TNXB: variants seen among roughly 807,000 people sequenced by gnomAD.
TNXB encodes tenascin XB.
Under a neutral mutation model 340.5 loss-of-function variants are expected in TNXB, and 183 were observed. That is an observed-to-expected ratio of 0.54 (90% confidence interval 0.48 to 0.61). The LOEUF (loss-of-function observed/expected upper bound fraction) is 0.61, where lower values mean the gene tolerates loss of function less well. Among genes scored for constraint, TNXB ranks in the 20% least tolerant of loss-of-function variants. The pLI, the probability that TNXB is intolerant of heterozygous loss-of-function variation, is 0.00. For synonymous variants in TNXB, 2,121 were observed against 2,314.5 expected (o/e 0.92, Z 2.40); for missense variants, 4,613 against 5,446.4 (o/e 0.85, Z 4.82).
At position 32,069,924 on chromosome 6, in the gene TNXB, G is replaced by A. The variant is rs533134179; in HGVS notation, c.5279-63C>T. ...TTCTGGAAGACTGGGTGACCTCGACGGGCAGGATTGAGAGGTCTGGAGACA... is the reference window on the plus strand; with the variant it reads ...TTCTGGAAGACTGGGTGACCTCGACAGGCAGGATTGAGAGGTCTGGAGACA... On this transcript the variant is annotated intron_variant, in intron 14 of 43. Transcript: ENST00000644971. The surrounding 1 kb of genome is among the most constrained non-coding windows in gnomAD (Gnocchi z 6.2). 3.4e-6 allele frequency: 5 copies of A among 1,485,416 alleles called. No individual in the cohort carries two copies. The highest frequency in any genetic ancestry group is 1.3e-5 in the South Asian group (1 of 75,112). 92.0% of individuals were successfully genotyped at this position (1,485,416 alleles called of 1,614,324 possible).
intron 4 of TNXB, chr6:32,093,429 G>A (rs929957705): frequency 2.9e-6 from 2 of 701,590 alleles, no homozygotes; most frequent in Non-Finnish European, 5.2e-6. Context: ...GGAGAGTGAG[G>A]AGAGGCAGAA....
rs1171916736 is a variant in TNXB at position 32,074,450 on chromosome 6, G to A, written c.4376-498C>T. On this transcript the variant is annotated intron_variant, in intron 11 of 43. Transcript: ENST00000644971. The surrounding 1 kb of genome is among the most constrained non-coding windows in gnomAD (Gnocchi z 5.5). ...GTGTCTGAGGCTGCATTTGTTGGGGGAGAAGAGTATCAACCATCACTGACA... is the reference window on the plus strand; with the variant it reads ...GTGTCTGAGGCTGCATTTGTTGGGGAAGAAGAGTATCAACCATCACTGACA... Among the ~76,000 whole-genome samples the A allele has an allele frequency of 2.0e-5, 3 of 152,176 alleles. No individual in the cohort carries two copies. The highest frequency in any genetic ancestry group is 4.4e-5 in the Non-Finnish European group (3 of 68,036).
At position 32,067,909 on chromosome 6, in the gene TNXB, C is replaced by T. The variant is rs1192421600; in HGVS notation, c.6296G>A (p.Gly2099Glu). ...APEPAEEPLL[G>E]ELTVTGSSPD... The stretch of plus-strand genomic sequence containing the variant: ...GGAGGATCCTGTCACTGTTAGCTCC[C>T]CCAGGAGCGGCTCCTCAGCGGGCTC... Residue 2099 changes from glycine to glutamate, a missense_variant, in exon 18 of 44, where the codon GGG becomes GAG. Coordinates refer to ENST00000644971, the MANE Select transcript of TNXB (RefSeq NM_001365276.2). The surrounding 1 kb of genome is among the most constrained non-coding windows in gnomAD (Gnocchi z 4.2). The T allele has an allele frequency of 8.7e-6, 14 of 1,612,500 alleles. No homozygotes were observed. Among genetic ancestry groups the T allele is most frequent in the African/African-American group, 1.3e-5 (1 of 74,878 alleles).
In TNXB at chr6:32,067,848, C is replaced by T; in HGVS notation, c.6357G>A (p.Gln2119=). The change falls in exon 18 of 44, where the codon CAG becomes CAA. Residue 2119 remains glutamine (Q), a synonymous_variant. Coordinates refer to ENST00000644971, the MANE Select transcript of TNXB (RefSeq NM_001365276.2). The surrounding 1 kb of genome is among the most constrained non-coding windows in gnomAD (Gnocchi z 4.2). ...GCACGGTGAAGGAGTCGAAGCGGCCCTGGGGGACGGTCCAGGAGAGGCTCA... is the reference window on the plus strand; with the variant it reads ...GCACGGTGAAGGAGTCGAAGCGGCCTTGGGGGACGGTCCAGGAGAGGCTCA... ...DSLSLSWTVP[Q]GRFDSFTVQY... The T allele has an allele frequency of 1.2e-6, 2 of 1,613,076 alleles. No individual in the cohort carries two copies. The highest frequency in any genetic ancestry group is 1.7e-6 in the Non-Finnish European group (2 of 1,179,890).
Position 32,070,881 on chromosome 6 carries a change from A to G in TNXB, c.4991-467T>C, listed in dbSNP as rs1778733755. On this transcript the variant is annotated intron_variant, in intron 13 of 43. Transcript: ENST00000644971. This position sits in a 1 kb window ranked among gnomAD's most constrained non-coding sequence, Gnocchi z 6.0. ...TCAGGGAGGCAGGATGTTACGACAC[A>G]GGTAGTTCTCACCCTTCTCCGTTCC... Among the ~76,000 whole-genome samples, 1 of 152,200 alleles carries G rather than the reference A, an allele frequency of 6.6e-6. No individual in the cohort carries two copies. Among genetic ancestry groups the G allele is most frequent in the South Asian group, 2.1e-4 (1 of 4,834 alleles).
rs754832999 is a variant in TNXB, at chr6:32,052,722, G to A, written c.9063C>T (p.Tyr3021=). 11 of 1,613,608 alleles carry A rather than the reference G, an allele frequency of 6.8e-6. No individual in the cohort carries two copies. The highest frequency in any genetic ancestry group is 6.7e-5 in the East Asian group (3 of 44,884). The change falls in exon 26 of 44, where the codon TAC becomes TAT. Residue 3021 remains tyrosine (Y), a synonymous_variant. Transcript: ENST00000644971. The surrounding 1 kb of genome is among the most constrained non-coding windows in gnomAD (Gnocchi z 4.7). ...CCACGCGCTGCCCCTCGTGGAGGCCGTACAGGTGCATCTTGTATTTGCACC... is the reference window on the plus strand; with the variant it reads ...CCACGCGCTGCCCCTCGTGGAGGCCATACAGGTGCATCTTGTATTTGCACC... ...EPGCKYKMHL[Y]GLHEGQRVGP...
intron 6 of TNXB, among the ~76,000 whole-genome samples, chr6:32,086,930 A>G (rs1427283014): frequency 6.6e-6 from 1 of 152,096 alleles, no homozygotes; most frequent in African/African-American, 2.4e-5. Flanking sequence ...GCTCCAGTGA[A>G]TCTTTGCAGG....
At chr6:32,059,976 C>T (rs1777910294) in intron 21 of TNXB, among the ~76,000 whole-genome samples, 1 of 151,966 alleles carries the variant, frequency 6.6e-6, no homozygotes, top group African/African-American at 2.4e-5. Flanking sequence ...TTCAATTAAC[C>T]TCATGATCTC....
rs770560637 is a variant in TNXB, at chr6:32,043,563, G to T, written c.11531-7C>A. On this transcript the variant is annotated splice_region_variant and splice_polypyrimidine_tract_variant and intron_variant, in intron 35 of 43. Transcript: ENST00000644971. Reference sequence around the variant, plus strand: ...TGTGTGGGACCGTCAGGAACTGGGGGAAGGGGAGGGGCTCAGAAGGGTCCC... The same window carrying T: ...TGTGTGGGACCGTCAGGAACTGGGGTAAGGGGAGGGGCTCAGAAGGGTCCC... The T allele has an allele frequency of 4.7e-6, 5 of 1,057,816 alleles. No homozygotes were observed. The highest frequency in any genetic ancestry group is 3.9e-5 in the South Asian group (3 of 77,822). The allele number at this position is 1,057,816 out of a possible 1,614,324, so 65.5% of individuals were successfully genotyped here. A position where few individuals can be genotyped will look rare whatever the true frequency, so the allele number is the denominator to read the frequency against.
rs369797837 is a variant in TNXB, at chr6:32,047,863, C to A, written c.10195G>T (p.Val3399Leu). 27 of 1,612,158 alleles carry A rather than the reference C, an allele frequency of 1.7e-5. No homozygotes were observed. Among genetic ancestry groups the A allele is most frequent in the Non-Finnish European group, 2.2e-5 (26 of 1,179,596 alleles). ...YKDKDGRLQV[V>L]PVAANQREVT... ...TCCCGCTGGTTGGCTGCCACCGGCA[C>A]CACCTGGAGCCGACCATCCTTATCC... Residue 3399 changes from valine (V) to leucine (L), a missense_variant, in exon 30 of 44, where the codon GTG becomes TTG. This residue lies in a region of TNXB where 4,327 missense variants were observed against 4,859.4 expected (regional missense o/e 0.89). Coordinates refer to ENST00000644971, the MANE Select transcript of TNXB (RefSeq NM_001365276.2). This position sits in a 1 kb window ranked among gnomAD's most constrained non-coding sequence, Gnocchi z 6.2.
intron 4 of TNXB, among the ~76,000 whole-genome samples, chr6:32,094,403 T>C (rs950724865): frequency 6.6e-6 from 1 of 152,204 alleles, no homozygotes; most frequent in Non-Finnish European, 1.5e-5. Flanking sequence ...ATTACTTTTA[T>C]AATTAAAAGT....
chr6:32,043,624 A>G, intron 35 of TNXB, 68 bp from the exon 36 acceptor site: 1 of 1,401,982 alleles, frequency 7.1e-7, no homozygotes, highest in Non-Finnish European at 1.0e-6. Context: ...CCCAGACTCC[A>G]CTGGCCTCCC....
chr6:32,063,142 C>T (rs992931547), intron 19 of TNXB, among the ~76,000 whole-genome samples: 1 of 152,096 alleles, frequency 6.6e-6, no homozygotes, highest in Non-Finnish European at 1.5e-5. Context: ...AATCCCAGCA[C>T]TTTGGGAGGC....
Position 32,095,629 on chromosome 6 carries a change from C to T in TNXB, c.2224G>A (p.Gly742Ser), listed in dbSNP as rs372262597. ...GSCVCKDGYAGEDCGEEVPTI... is the reference protein window; with the variant it reads ...GSCVCKDGYASEDCGEEVPTI... ...TGCTCACCTTCTCCGCAGTCTTCGC[C>T]AGCATACCCATCTTTGCAGACACAG... is the stretch of plus-strand genomic sequence containing the variant. Residue 742 changes from glycine to serine, a missense_variant, in exon 3 of 44, where the codon GGC becomes AGC. This residue lies in a region of TNXB where 4,327 missense variants were observed against 4,859.4 expected (regional missense o/e 0.89). Coordinates refer to ENST00000644971, the MANE Select transcript of TNXB (RefSeq NM_001365276.2). The T allele has an allele frequency of 4.0e-5, 64 of 1,612,892 alleles. No homozygotes were observed. The highest frequency in any genetic ancestry group is 5.3e-5 in the Non-Finnish European group (62 of 1,179,150).
rs28993462 is a variant in TNXB at position 32,095,325 on chromosome 6, CAG to C, written c.2243-136_2243-135del. ...CTCTCTGCTAGTGGAGAATAGCTGA[CAG>C]AGGGCTGAACGGGGCTTGGATCGCC... On this transcript the variant is annotated intron_variant, in intron 3 of 43. Transcript: ENST00000644971. 60,417 of 750,370 alleles carry C rather than the reference CAG, an allele frequency of 0.081. 2,970 individuals carry two copies. Among genetic ancestry groups the C allele is most frequent in the South Asian group, 0.13 (7,249 of 56,848 alleles). 46.5% of individuals were successfully genotyped at this position (750,370 alleles called of 1,614,324 possible).
At position 32,061,552 on chromosome 6, in the gene TNXB, T is replaced by C; in HGVS notation, c.7337A>G (p.Lys2446Arg). ...GRFDSFTVQY[K>R]DRDGRPQVVR... ...CACCTGGGGCCGCCCGTCCCTGTCC[T>C]TGTACTGCACGGTGAAGGAGTCGAA... The change falls in exon 21 of 44, where the codon AAG (lysine) becomes AGG (arginine). Residue 2446 changes from lysine (K) to arginine (R), a missense_variant. Lys to Arg is a conservative substitution (Grantham distance 26). Transcript: ENST00000644971. The surrounding 1 kb of genome is among the most constrained non-coding windows in gnomAD (Gnocchi z 4.4). 1 of 1,613,530 alleles carries C rather than the reference T, an allele frequency of 6.2e-7. No individual in the cohort carries two copies. The highest frequency in any genetic ancestry group is 8.5e-7 in the Non-Finnish European group (1 of 1,179,884).
chr6:32,048,460 GGCGACCGC>G lies in TNXB; in HGVS notation c.9940_9947del (p.Ala3314ArgfsTer53). On this transcript the variant is annotated frameshift_variant, in exon 29 of 44. Coordinates refer to ENST00000644971, the MANE Select transcript of TNXB (RefSeq NM_001365276.2). LOFTEE classifies it high-confidence loss of function. ...TGCGGGCCGGGTCCAGCCCCGAGAC[GGCGACCGC>G]TCGGAGGTCTCCGCTCACAGGCACT... 1 of 1,590,762 alleles carries G rather than the reference GGCGACCGC, an allele frequency of 6.3e-7. No individual in the cohort carries two copies. Among genetic ancestry groups the G allele is most frequent in the Non-Finnish European group, 8.6e-7 (1 of 1,167,500 alleles).
chr6:32,106,323 AG>A (rs928785766), intron 1 of TNXB, among the ~76,000 whole-genome samples: 7 of 151,820 alleles, frequency 4.6e-5, no homozygotes, highest in Non-Finnish European at 7.4e-5. Context: ...CCTGAGTGTG[AG>A]GGGGCCAGTC....
Position 32,096,400 on chromosome 6 carries a change from G to A in TNXB, c.1453C>T (p.Pro485Ser), listed in dbSNP as rs1219529554. Residue 485 changes from proline (P) to serine (S), a missense_variant, in exon 3 of 44, where the codon CCG becomes TCG. Transcript: ENST00000644971. ...CCGCAGTCCCGGCCTGTGTACCCCG[G>A]CCAACACATGCAGCGGCCACTCTCA... ...RCESGRCMCW[P>S]GYTGRDCGTR... The A allele has an allele frequency of 1.3e-6, 2 of 1,578,260 alleles. No homozygotes were observed. The highest frequency in any genetic ancestry group is 1.1e-5 in the South Asian group (1 of 87,562).
Sources: allele counts gnomAD v4.1 joint callset (sites outside exome capture counted in the v4.1 genomes callset), GRCh38; gene constraint gnomAD v4.1.1; regional missense constraint gnomAD v4.1.1; non-coding constraint Gnocchi (gnomAD v3.1); transcripts MANE v1.5; gene names NCBI Gene and HGNC (gene_info 2026-07-23, HGNC 2026-07-21).